The following ATG3 variants were observed in gnomAD, a reference collection of about 807,000 sequenced individuals.
ATG3 encodes autophagy related 3, also known as ubiquitin-like-conjugating enzyme ATG3.
Under a neutral mutation model 50.7 loss-of-function variants are expected in ATG3, and 25 were observed. That is an observed-to-expected ratio of 0.49 (90% CI 0.36 to 0.69). The LOEUF (loss-of-function observed/expected upper bound fraction) is 0.69. Ranked by LOEUF, ATG3 falls within the 30% of genes least tolerant of loss-of-function variation. The pLI, the probability that ATG3 is intolerant of heterozygous loss-of-function variation, is 0.00. For missense variants in ATG3, 281 were observed against 376.0 expected (o/e 0.75, Z 2.09); for synonymous variants, 119 against 125.5 (o/e 0.95, Z 0.34).
At chr3:112,558,830 G>T (rs1002949295) in intron 1 of ATG3, among the ~76,000 whole-genome samples, 5 of 151,786 alleles carry the variant, frequency 3.3e-5, no homozygotes, top group Non-Finnish European at 7.4e-5. Flanking sequence ...TCCACCTCCC[G>T]GGTTCAAGCG....
intron 11 of ATG3, chr3:112,533,621 A>T: frequency 3.0e-6 from 3 of 985,336 alleles, no homozygotes; most frequent in Non-Finnish European, 3.6e-6. Context: ...CATCAAACTA[A>T]TTCAAGCTAT....
At chr3:112,538,071 A>C (rs377353456) in intron 8 of ATG3, 75 bp downstream of exon 8, 1 of 1,288,228 alleles carries the variant, frequency 7.8e-7, no homozygotes, top group East Asian at 2.4e-5. Flanking sequence ...TGAAAGATCA[A>C]TATATTATTA....
At chr3:112,536,339 G>T in intron 10 of ATG3, 136 bp downstream of exon 10, 1 of 976,076 alleles carries the variant, frequency 1.0e-6, no homozygotes, top group Non-Finnish European at 1.5e-6. Context: ...AATTTCTAAG[G>T]AGGACAAGAG....
chr3:112,533,525 A>G (rs1424869567), intron 11 of ATG3: 34 of 985,148 alleles, frequency 3.5e-5, no homozygotes, highest in Non-Finnish European at 4.0e-5. Context: ...AATGCCCCAC[A>G]GTCTGATTAG....
At chr3:112,556,586 G>A (rs1451162644) in intron 2 of ATG3, among the ~76,000 whole-genome samples, 1 of 152,240 alleles carries the variant, frequency 6.6e-6, no homozygotes, top group Non-Finnish European at 1.5e-5. Context: ...AATAGAAAGG[G>A]GGGAAAGGTG....
At chr3:112,556,263 T>C (rs1030074818) in intron 2 of ATG3, among the ~76,000 whole-genome samples, 1 of 152,216 alleles carries the variant, frequency 6.6e-6, no homozygotes, top group Non-Finnish European at 1.5e-5. Flanking sequence ...TAGGAGAAAT[T>C]ACCGTCCCGT....
At chr3:112,550,372 A>G in intron 3 of ATG3, 110 bp from the exon 4 acceptor site, 1 of 918,468 alleles carries the variant, frequency 1.1e-6, no homozygotes, top group Non-Finnish European at 1.6e-6. Context: ...TAATTCTCAG[A>G]AAATTGGTTT....
At chr3:112,533,008 G>C in intron 11 of ATG3, 1 of 1,175,600 alleles carries the variant, frequency 8.5e-7, no homozygotes, top group Non-Finnish European at 1.1e-6. Context: ...ACTTCTTAAT[G>C]AGTAGGTGTT....
intron 11 of ATG3, chr3:112,533,656 A>C (rs2082571739): frequency 7.1e-6 from 7 of 985,140 alleles, no homozygotes; most frequent in African/African-American, 1.7e-5. Context: ...ATTGATTTTG[A>C]CTGTTTTTGA....
At chr3:112,536,358 A>G in intron 10 of ATG3, 117 bp downstream of exon 10, 2 of 1,250,610 alleles carry the variant, frequency 1.6e-6, no homozygotes, top group South Asian at 1.4e-5. Context: ...AGAGAATTTT[A>G]CTTTTTAGTA....
intron 6 of ATG3, 125 bp downstream of exon 6, chr3:112,543,932 G>A (rs1158299550): frequency 1.6e-6 from 1 of 622,872 alleles, no homozygotes; most frequent in Non-Finnish European, 2.6e-6. Flanking sequence ...ATTTAAAAGA[G>A]CTTGATAATA....
chr3:112,541,141 C>T (rs1404974186), intron 7 of ATG3, among the ~76,000 whole-genome samples: 1 of 152,080 alleles, frequency 6.6e-6, no homozygotes, highest in Non-Finnish European at 1.5e-5. Flanking sequence ...GTAATCCCAG[C>T]ACTTTGGGGA....
intron 11 of ATG3, 70 bp downstream of exon 11, chr3:112,534,199 C>T (rs1350193369): frequency 2.0e-6 from 3 of 1,518,976 alleles, no homozygotes; most frequent in East Asian, 2.4e-5. Context: ...ATTAAGGTTA[C>T]ACTAAATTTC....
chr3:112,541,538 C>T (rs928027769), intron 7 of ATG3, among the ~76,000 whole-genome samples: 12 of 152,024 alleles, frequency 7.9e-5, no homozygotes, highest in East Asian at 1.9e-4. Flanking sequence ...ATCTTGCAGC[C>T]GTATCCAGTA....
intron 3 of ATG3, among the ~76,000 whole-genome samples, chr3:112,552,023 T>C (rs1300926571): frequency 6.6e-6 from 1 of 152,142 alleles, no homozygotes; most frequent in Non-Finnish European, 1.5e-5. Flanking sequence ...ACGGTAAGTA[T>C]TAAAATGCAG....
At chr3:112,544,658 G>GGAAAAAAAAAAAAA (rs1553738119) in intron 5 of ATG3, among the ~76,000 whole-genome samples, 18 of 64,102 alleles carry the variant, frequency 2.8e-4, no homozygotes, top group South Asian at 7.6e-4. Context: ...CCGTCTCAGG[G>GGAAAAAAAAAAAAA]AAAAAAAAAA....
intron 5 of ATG3, among the ~76,000 whole-genome samples, chr3:112,548,281 G>A (rs1933425707): frequency 1.3e-5 from 2 of 152,154 alleles, no homozygotes; most frequent in Admixed American, 6.5e-5. Context: ...GAACCCGGGA[G>A]GTGGAGGTTG....
intron 1 of ATG3, among the ~76,000 whole-genome samples, chr3:112,559,020 T>C (rs1215780116): frequency 3.3e-5 from 5 of 152,350 alleles, no homozygotes; most frequent in African/African-American, 1.2e-4. Flanking sequence ...ATTACAGGCG[T>C]GAGCCACTGC....
intron 1 of ATG3, among the ~76,000 whole-genome samples, chr3:112,559,973 T>C (rs1034728780): frequency 3.9e-5 from 6 of 152,362 alleles, no homozygotes; most frequent in Middle Eastern, 3.4e-3. Flanking sequence ...ATTCTCTCTG[T>C]AAACAACAGT....
Sources: allele counts gnomAD v4.1 joint callset (sites outside exome capture counted in the v4.1 genomes callset), GRCh38; gene constraint gnomAD v4.1.1; transcripts MANE v1.5; gene names NCBI Gene and HGNC (gene_info 2026-07-23, HGNC 2026-07-21).